WIF1: variants seen among roughly 807,000 people sequenced by gnomAD.
WIF1 encodes Wnt inhibitory factor 1.
In WIF1, 35 loss-of-function variants were observed where a neutral mutation model predicts 53.5. The ratio of observed to expected loss-of-function variants is 0.65; its 90% CI spans 0.50 to 0.87. The LOEUF (loss-of-function observed/expected upper bound fraction) is 0.87. Ranked by LOEUF, WIF1 falls within the 40% of genes least tolerant of loss-of-function variation. WIF1 has a pLI of 0.00. For missense variants in WIF1, 467 were observed against 476.8 expected, an observed-to-expected ratio of 0.98 and a Z score of 0.19; for synonymous variants, 171 against 170.4, an observed-to-expected ratio of 1.00 and a Z score of -0.03.
chr12:65,061,950 G>A (rs779842893), intron 7 of WIF1, among the ~76,000 whole-genome samples: 3 of 152,158 alleles, frequency 2.0e-5, no homozygotes, highest in Non-Finnish European at 4.4e-5. Context: ...GTATCTGTGT[G>A]GTTCATTCAT....
At chr12:65,086,706 T>TC (rs1325213461) in intron 2 of WIF1, among the ~76,000 whole-genome samples, 6 of 150,244 alleles carry the variant, frequency 4.0e-5, no homozygotes, top group East Asian at 3.9e-4. Flanking sequence ...TTTCTTTCTT[T>TC]TTTTTTTTTT....
At chr12:65,055,042 G>A (rs1592385771) in intron 9 of WIF1, 76 bp downstream of exon 9, 3 of 1,451,548 alleles carry the variant, frequency 2.1e-6, no homozygotes, top group East Asian at 2.3e-5. Context: ...GAAAAGGCTG[G>A]CCCTTCTTCT....
At chr12:65,107,883 A>G (rs575197090) in intron 2 of WIF1, among the ~76,000 whole-genome samples, 74 of 152,296 alleles carry the variant, frequency 4.9e-4, no homozygotes, top group African/African-American at 1.7e-3. Context: ...CATTTGTCAT[A>G]TTCATCTCCA....
At position 65,051,080 on chromosome 12, in the gene WIF1, T is replaced by C. The variant is rs574863914; in HGVS notation, c.*269A>G. On this transcript the variant is annotated 3_prime_UTR_variant, in exon 10 of 10. Transcript: ENST00000286574. Reference sequence around the variant, plus strand: ...TGTAATTTTGAAAATATCTGCCAACTACACACTGAAAATTTTAACCTGATC... The same window carrying C: ...TGTAATTTTGAAAATATCTGCCAACCACACACTGAAAATTTTAACCTGATC... 1.6e-5 allele frequency: 5 copies of C among 313,294 alleles called. No individual in the cohort carries two copies. Among genetic ancestry groups the C allele is most frequent in the Non-Finnish European group, 2.3e-5 (4 of 172,476 alleles). 19.4% of individuals were successfully genotyped at this position (313,294 alleles called of 1,614,324 possible). A position where few individuals can be genotyped will look rare whatever the true frequency, so the allele number is the denominator to read the frequency against.
At chr12:65,094,116 C>A (rs1355038613) in intron 2 of WIF1, among the ~76,000 whole-genome samples, 1 of 152,146 alleles carries the variant, frequency 6.6e-6, no homozygotes, top group Non-Finnish European at 1.5e-5. Flanking sequence ...GGCTATGAAA[C>A]TTTTCACAGC....
intron 6 of WIF1, among the ~76,000 whole-genome samples, chr12:65,063,568 T>TG (rs1253602156): frequency 1.3e-5 from 2 of 151,906 alleles, no homozygotes; most frequent in Non-Finnish European, 2.9e-5. Context: ...GCTTTCTTTG[T>TG]GGGAAAAAAA....
At chr12:65,067,625 C>T in intron 5 of WIF1, 70 bp downstream of exon 5, 1 of 1,451,874 alleles carries the variant, frequency 6.9e-7, no homozygotes, top group Non-Finnish European at 9.6e-7. Flanking sequence ...ATACACAATA[C>T]ACATGGGGCT....
intron 2 of WIF1, among the ~76,000 whole-genome samples, chr12:65,090,009 A>G (rs1883099167): frequency 6.6e-6 from 1 of 152,214 alleles, no homozygotes; most frequent in South Asian, 2.1e-4. Context: ...AGTCTAAAAA[A>G]ATAGGTAACT....
intron 1 of WIF1, among the ~76,000 whole-genome samples, 171 bp downstream of exon 1, chr12:65,120,873 T>A (rs1243813593): frequency 6.6e-6 from 1 of 152,240 alleles, no homozygotes; most frequent in Non-Finnish European, 1.5e-5. Flanking sequence ...CTTTGGTTTC[T>A]TAAAAGAGAA....
chr12:65,066,127 T>C (rs1882682979), intron 6 of WIF1, among the ~76,000 whole-genome samples: 1 of 152,186 alleles, frequency 6.6e-6, no homozygotes, highest in South Asian at 2.1e-4. Context: ...CGTTATGTAA[T>C]ATGAGATGTC....
chr12:65,105,039 G>C (rs1883333478), intron 2 of WIF1, among the ~76,000 whole-genome samples: 1 of 152,118 alleles, frequency 6.6e-6, no homozygotes, highest in South Asian at 2.1e-4. Context: ...TTTCAAGTAA[G>C]AAAGGGGTTA....
At chr12:65,059,528 G>A (rs182435359) in intron 7 of WIF1, among the ~76,000 whole-genome samples, 1 of 152,262 alleles carries the variant, frequency 6.6e-6, no homozygotes, top group Admixed American at 6.5e-5. Context: ...GGAAATCCAT[G>A]AGTCTTAGAT....
chr12:65,058,198 T>C (rs1882558289), intron 7 of WIF1, among the ~76,000 whole-genome samples: 1 of 152,162 alleles, frequency 6.6e-6, no homozygotes, highest in African/African-American at 2.4e-5. Context: ...TCCATTTGCA[T>C]CAAATAAATA....
At chr12:65,057,399 G>T (rs1423707647) in intron 7 of WIF1, among the ~76,000 whole-genome samples, 1 of 152,142 alleles carries the variant, frequency 6.6e-6, no homozygotes, top group African/African-American at 2.4e-5. Flanking sequence ...GGCCCTAGGT[G>T]TAAAAATCAT....
At chr12:65,097,019 T>TAAAAAAAAAAAAAAAGAAAAAAAAAAAAA (rs1883215039) in intron 2 of WIF1, among the ~76,000 whole-genome samples, 1 of 137,694 alleles carries the variant, frequency 7.3e-6, no homozygotes, top group Non-Finnish European at 1.6e-5. Context: ...TCCTGGAACT[T>TAAAAAAAAAAAAAAAGAAAAAAAAAAAAA]AAAAAAAAAA....
chr12:65,082,138 G>A (rs937624042), intron 2 of WIF1, among the ~76,000 whole-genome samples: 3 of 152,016 alleles, frequency 2.0e-5, no homozygotes, highest in South Asian at 2.1e-4. Flanking sequence ...TTCTAGACAG[G>A]ACTTTCTGTT....
chr12:65,114,369 C>A (rs534267030), intron 2 of WIF1, among the ~76,000 whole-genome samples: 80 of 152,176 alleles, frequency 5.3e-4, no homozygotes, highest in Admixed American at 2.1e-3. Context: ...ATAAAATTAG[C>A]AAATATGTGA....
intron 2 of WIF1, among the ~76,000 whole-genome samples, chr12:65,119,503 T>C (rs773111339): frequency 4.2e-4 from 64 of 152,346 alleles, no homozygotes; most frequent in Non-Finnish European, 5.6e-4. Context: ...AAAATAGTTA[T>C]TTTTTATAAA....
At chr12:65,054,755 T>C (rs188571170) in intron 9 of WIF1, among the ~76,000 whole-genome samples, 5 of 152,346 alleles carry the variant, frequency 3.3e-5, no homozygotes, top group Admixed American at 3.3e-4. Context: ...TTTAAAATCT[T>C]AGTTTCATGT....
Sources: allele counts gnomAD v4.1 joint callset (sites outside exome capture counted in the v4.1 genomes callset), GRCh38; gene constraint gnomAD v4.1.1; transcripts MANE v1.5; gene names NCBI Gene and HGNC (gene_info 2026-07-23, HGNC 2026-07-21).